The following GLS variants were observed in gnomAD, a reference collection of about 807,000 sequenced individuals.
GLS encodes glutaminase kidney isoform, mitochondrial.
Under a neutral mutation model 86.7 loss-of-function variants are expected in GLS, and 36 were observed. That is an observed-to-expected ratio of 0.42 (90% CI 0.32 to 0.55). The LOEUF is 0.55. Among genes scored for constraint, GLS ranks in the 20% least tolerant of loss-of-function variants. GLS has a pLI of 0.17. For synonymous variants in GLS, 317 were observed against 305.9 expected (o/e 1.04, Z -0.38); for missense variants, 528 against 833.4 (o/e 0.63, Z 4.51).
At chr2:190,906,668 C>T (rs969025771) in intron 6 of GLS, among the ~76,000 whole-genome samples, 2 of 152,126 alleles carry the variant, frequency 1.3e-5, no homozygotes, top group Non-Finnish European at 2.9e-5. Flanking sequence ...ATTACACCTT[C>T]CTGAATTCTG....
Position 190,954,807 on chromosome 2 carries a change from C to A in GLS, c.1842C>A (p.Phe614Leu), listed in dbSNP as rs753056987. Residue 614 changes from phenylalanine to leucine, a missense_variant, in exon 17 of 18, where the codon TTC becomes TTA. Physicochemically the swap from Phe to Leu is conservative, Grantham distance 22 (BLOSUM62 0). Transcript: ENST00000320717. The surrounding 1 kb of genome is among the most constrained non-coding windows in gnomAD (Gnocchi z 4.0). ...TGGAAGCCTGCAAAGTAAACCCTTT[C>A]CCCAAGGACAGGTGAGCACTTATGT... Reference protein sequence around the residue: ...FLLEACKVNPFPKDRWNNTPM... With the variant: ...FLLEACKVNPLPKDRWNNTPM... The A allele has an allele frequency of 6.2e-7, 1 of 1,610,684 alleles. No individual in the cohort carries two copies. Among genetic ancestry groups the A allele is most frequent in the South Asian group, 1.1e-5 (1 of 90,836 alleles).
At chr2:190,958,939 T>C (rs1370019954) in intron 17 of GLS, among the ~76,000 whole-genome samples, 2 of 152,222 alleles carry the variant, frequency 1.3e-5, no homozygotes, top group Non-Finnish European at 2.9e-5. Context: ...TTAGGTCTGC[T>C]TGGTCCAGAG....
In GLS at chr2:190,881,199, C is replaced by A; in HGVS notation, c.115C>A (p.Arg39=). The A allele has an allele frequency of 1.5e-6, 2 of 1,290,940 alleles. No individual in the cohort carries two copies. The highest frequency in any genetic ancestry group is 2.5e-5 in the South Asian group (1 of 39,908). The allele number at this position is 1,290,940 out of a possible 1,614,324, so 80.0% of individuals were successfully genotyped here. A position where few individuals can be genotyped will look rare whatever the true frequency, so the allele number is the denominator to read the frequency against. ...QPLVTLCRRP[R]GGGRPAAGPA... ...CTTGGTCACCCTGTGCCGGCGTCCC[C>A]GAGGCGGGGGACGGCCGGCCGCGGG... The change falls in exon 1 of 18, where the codon CGA becomes AGA. Residue 39 remains arginine (R), a synonymous_variant. Coordinates refer to ENST00000320717, the MANE Select transcript of GLS (RefSeq NM_014905.5).
At position 190,956,338 on chromosome 2, in the gene GLS, A is replaced by G. The variant is rs1157616611; in HGVS notation, c.1853+1520A>G. On this transcript the variant is annotated intron_variant, in intron 17 of 17. Transcript: ENST00000320717. The surrounding 1 kb of genome is among the most constrained non-coding windows in gnomAD (Gnocchi z 4.2). ...GGGGTCCAGGTTCAGTTTTCTGCAT[A>G]TGGCTAGCCAGTTTTCCCAATACCT... Among the ~76,000 whole-genome samples the G allele has an allele frequency of 2.6e-5, 4 of 152,082 alleles. No homozygotes were observed. The highest frequency in any genetic ancestry group is 5.9e-5 in the Non-Finnish European group (4 of 67,976).
At position 190,921,518 on chromosome 2, in the gene GLS, T is replaced by C; in HGVS notation, c.1130+315T>C. ...TTTTATTTTAAAATTTGTGAGTCTA[T>C]AGAAAAGTTGAAAAAATAAATATCT... is the stretch of plus-strand genomic sequence containing the variant. On this transcript the variant is annotated intron_variant, in intron 9 of 17. Coordinates refer to ENST00000320717, the MANE Select transcript of GLS (RefSeq NM_014905.5). The surrounding 1 kb of genome is among the most constrained non-coding windows in gnomAD (Gnocchi z 4.2). Among the ~76,000 whole-genome samples, 1 of 151,986 alleles carries C rather than the reference T, an allele frequency of 6.6e-6. No homozygotes were observed. The highest frequency in any genetic ancestry group is 6.6e-5 in the Admixed American group (1 of 15,264).
chr2:190,930,994 G>C lies in GLS; in HGVS notation c.1557+426G>C, dbSNP rs1158020929. On this transcript the variant is annotated intron_variant, in intron 13 of 17. Transcript: ENST00000320717. The surrounding 1 kb of genome is among the most constrained non-coding windows in gnomAD (Gnocchi z 5.0). Reference sequence around the variant, plus strand: ...AAATAAGCACTGAAAATTAAAAAAAGATTAAACCATTTTTAAACTGTTACT... The same window carrying C: ...AAATAAGCACTGAAAATTAAAAAAACATTAAACCATTTTTAAACTGTTACT... Among the ~76,000 whole-genome samples, 2 of 152,014 alleles carry C rather than the reference G, an allele frequency of 1.3e-5. No individual in the cohort carries two copies. Among genetic ancestry groups the C allele is most frequent in the East Asian group, 1.9e-4 (1 of 5,200 alleles).
chr2:190,881,256 T>C lies in GLS; in HGVS notation c.172T>C (p.Trp58Arg). The C allele has an allele frequency of 7.8e-7, 1 of 1,275,416 alleles. No homozygotes were observed. The highest frequency in any genetic ancestry group is 9.9e-7 in the Non-Finnish European group (1 of 1,012,798). 79.0% of individuals were successfully genotyped at this position (1,275,416 alleles called of 1,614,324 possible). Residue 58 changes from tryptophan (W) to arginine (R), a missense_variant, in exon 1 of 18, where the codon TGG (tryptophan) becomes CGG (arginine). By Grantham distance (101) the Trp-to-Arg change is moderately radical. Around this residue, in one of 4 missense-constraint regions of GLS, gnomAD observed 224 missense variants for 187.9 expected, o/e 1.19. Transcript: ENST00000320717. ...TGCCGCCGCGCGACTCCACCCGTGG[T>C]GGGGCGGGGGCGGCTGGCCGGCGGA... The part of the protein sequence containing the change: ...PAAAARLHPW[W>R]GGGGWPAEPL...
At chr2:190,884,903 A>G (rs1180683821) in intron 1 of GLS, among the ~76,000 whole-genome samples, 1 of 152,216 alleles carries the variant, frequency 6.6e-6, no homozygotes, top group Non-Finnish European at 1.5e-5. Flanking sequence ...ATAAATTATT[A>G]GTTCAGTTAC....
Position 190,954,145 on chromosome 2 carries a change from G to T in GLS, c.1713-439G>T, listed in dbSNP as rs1690797656. ...CCTCAAATAACTGATTTTCAAAGTG[G>T]AAAAATGTCTGTGCTTCCCCCCCTT... On this transcript the variant is annotated intron_variant, in intron 15 of 17. Coordinates refer to ENST00000320717, the MANE Select transcript of GLS (RefSeq NM_014905.5). This position sits in a 1 kb window ranked among gnomAD's most constrained non-coding sequence, Gnocchi z 4.0. Among the ~76,000 whole-genome samples the T allele has an allele frequency of 2.0e-5, 3 of 151,698 alleles. No homozygotes were observed. The highest frequency in any genetic ancestry group is 6.6e-5 in the Admixed American group (1 of 15,202).
intron 14 of GLS, chr2:190,933,222 C>T: frequency 1.1e-6 from 1 of 872,562 alleles, no homozygotes; most frequent in South Asian, 5.3e-5. Flanking sequence ...ACAAATTAAA[C>T]TCATAAGTTT....
Position 190,962,646 on chromosome 2 carries a change from C to T in GLS, c.1854-184C>T, listed in dbSNP as rs1184742245. Among the ~76,000 whole-genome samples, 4 of 152,178 alleles carry T rather than the reference C, an allele frequency of 2.6e-5. No homozygotes were observed. The highest frequency in any genetic ancestry group is 9.7e-5 in the African/African-American group (4 of 41,440). ...TCTTCCTCTCCATATCCCAACTTGT[C>T]TTGGAGACTACTTTTTGAATTATAA... is the stretch of plus-strand genomic sequence containing the variant. On this transcript the variant is annotated intron_variant, in intron 17 of 17. Coordinates refer to ENST00000320717, the MANE Select transcript of GLS (RefSeq NM_014905.5). This position sits in a 1 kb window ranked among gnomAD's most constrained non-coding sequence, Gnocchi z 4.2.
In GLS at chr2:190,964,227, C is replaced by CA. The variant is rs1661676365; in HGVS notation, c.*1247dup. 6.6e-6 allele frequency: 1 copy of CA among 151,904 alleles called. No individual in the cohort carries two copies. Among genetic ancestry groups the CA allele is most frequent in the Admixed American group, 6.6e-5 (1 of 15,252 alleles). 9.4% of individuals were successfully genotyped at this position (151,904 alleles called of 1,614,324 possible). A position where few individuals can be genotyped will look rare whatever the true frequency, so the allele number is the denominator to read the frequency against. ...TTTGGAAAGTGGGTAAAAGGGGCTTCAAAAAACGGATAGAACAGGATTTTC... is the reference window on the plus strand; with the variant it reads ...TTTGGAAAGTGGGTAAAAGGGGCTTCAAAAAAACGGATAGAACAGGATTTTC... On this transcript the variant is annotated 3_prime_UTR_variant, in exon 18 of 18. Coordinates refer to ENST00000320717, the MANE Select transcript of GLS (RefSeq NM_014905.5). This position sits in a 1 kb window ranked among gnomAD's most constrained non-coding sequence, Gnocchi z 5.2.
rs528721165 is a variant in GLS, at chr2:190,956,514, A to G, written c.1853+1696A>G. ...GTTTTGATTACTGTAGCCTTGTAGTATAGTTTGAAGTCAGGTAGCGTGATG... is the reference window on the plus strand; with the variant it reads ...GTTTTGATTACTGTAGCCTTGTAGTGTAGTTTGAAGTCAGGTAGCGTGATG... On this transcript the variant is annotated intron_variant, in intron 17 of 17. Coordinates refer to ENST00000320717, the MANE Select transcript of GLS (RefSeq NM_014905.5). The surrounding 1 kb of genome is among the most constrained non-coding windows in gnomAD (Gnocchi z 4.2). Among the ~76,000 whole-genome samples, 53 of 152,228 alleles carry G rather than the reference A, an allele frequency of 3.5e-4. No homozygotes were observed. Among genetic ancestry groups the G allele is most frequent in the South Asian group, 1.9e-3 (9 of 4,828 alleles).
chr2:190,961,971 G>C (rs1219104894), intron 17 of GLS, among the ~76,000 whole-genome samples: 1 of 152,136 alleles, frequency 6.6e-6, no homozygotes, highest in Non-Finnish European at 1.5e-5. Context: ...AATGTAAGTA[G>C]AGAGAGAGAT....
At chr2:190,906,192 T>C (rs889182110) in intron 6 of GLS, among the ~76,000 whole-genome samples, 3 of 152,168 alleles carry the variant, frequency 2.0e-5, no homozygotes, top group African/African-American at 7.2e-5. Context: ...TTTACTAAGC[T>C]CATTGACATC....
intron 7 of GLS, among the ~76,000 whole-genome samples, chr2:190,917,728 G>A (rs1041202016): frequency 2.6e-5 from 4 of 152,212 alleles, no homozygotes; most frequent in Non-Finnish European, 5.9e-5. Context: ...CTCCTTGTAC[G>A]TCTCTATCAG....
Position 190,905,456 on chromosome 2 carries a change from A to G in GLS, c.979+289A>G, listed in dbSNP as rs1364083200. Among the ~76,000 whole-genome samples the G allele has an allele frequency of 1.3e-5, 2 of 152,106 alleles. No individual in the cohort carries two copies. Among genetic ancestry groups the G allele is most frequent in the African/African-American group, 4.8e-5 (2 of 41,446 alleles). ...GATTTGCTTTAAAATAATTTAGTTA[A>G]GGCAGCTGGGAGTGCTGGGTATGAT... On this transcript the variant is annotated intron_variant, in intron 6 of 17. Transcript: ENST00000320717. This position sits in a 1 kb window ranked among gnomAD's most constrained non-coding sequence, Gnocchi z 4.6.
At chr2:190,950,522 C>T in intron 14 of GLS, among the ~76,000 whole-genome samples, 1 of 152,128 alleles carries the variant, frequency 6.6e-6, no homozygotes, top group Middle Eastern at 3.2e-3. Context: ...AGGACTACCC[C>T]CCATGGTCTG....
chr2:190,886,528 A>AG (rs1302639064), intron 1 of GLS, among the ~76,000 whole-genome samples: 6 of 152,106 alleles, frequency 3.9e-5, no homozygotes, highest in African/African-American at 4.8e-5. Flanking sequence ...GCTAAAAGGG[A>AG]GGGGGGGCAC....
Sources: allele counts gnomAD v4.1 joint callset (sites outside exome capture counted in the v4.1 genomes callset), GRCh38; gene constraint gnomAD v4.1.1; regional missense constraint gnomAD v4.1.1; non-coding constraint Gnocchi (gnomAD v3.1); transcripts MANE v1.5; gene names NCBI Gene and HGNC (gene_info 2026-07-23, HGNC 2026-07-21).